Variants in POLRMT observed in about 807,000 individuals in gnomAD.
POLRMT encodes DNA-directed RNA polymerase, mitochondrial.
Under a neutral mutation model 132.2 loss-of-function variants are expected in POLRMT, and 114 were observed. The ratio of observed to expected loss-of-function variants is 0.86; its 90% CI spans 0.74 to 1.01. The LOEUF is 1.01. POLRMT is among the 50% of genes least tolerant of loss of function. The probability of loss-of-function intolerance (pLI) is 0.00; values close to 1 mark genes in which losing one functional copy is unlikely to be tolerated. For missense variants in POLRMT, 2,003 were observed against 1,729.1 expected (o/e 1.16, Z -2.81); for synonymous variants, 1,020 against 773.4 (o/e 1.32, Z -5.29).
In POLRMT at chr19:622,058, G is replaced by A. The variant is rs985900223; in HGVS notation, c.1851+91C>T. On this transcript the variant is annotated intron_variant, in intron 9 of 20. Transcript: ENST00000588649. The stretch of plus-strand genomic sequence containing the variant: ...TGGGAGGTACTGACGGCTGCGCTGA[G>A]ATCAAGGCTCCGCCCAAAGGCGCCA... 5.0e-5 allele frequency: 65 copies of A among 1,288,588 alleles called. No individual in the cohort carries two copies. The East Asian group carries it at 1.5e-3, about 30-fold the overall frequency. 79.8% of individuals were successfully genotyped at this position (1,288,588 alleles called of 1,614,324 possible). A position where few individuals can be genotyped will look rare whatever the true frequency, so the allele number is the denominator to read the frequency against.
At chr19:632,746 C>G in intron 2 of POLRMT, 88 bp downstream of exon 2, 1 of 1,182,452 alleles carries the variant, frequency 8.5e-7, no homozygotes, top group Non-Finnish European at 1.2e-6. Flanking sequence ...CCGCCCTCAG[C>G]CTGTCTCAGA....
intron 8 of POLRMT, 32 bp downstream of exon 8, chr19:622,550 C>A (rs1256201783): frequency 7.7e-6 from 12 of 1,568,204 alleles, no homozygotes; most frequent in South Asian, 7.1e-5. Flanking sequence ...ACCACTGGCC[C>A]CAGCCAGGAG....
Position 622,111 on chromosome 19 carries a change from C to T in POLRMT, c.1851+38G>A, listed in dbSNP as rs767488338. 49 of 1,495,026 alleles carry T rather than the reference C, an allele frequency of 3.3e-5. 1 individual carries two copies. The South Asian group carries it at 5.8e-4, about 18-fold the overall frequency. 92.6% of individuals were successfully genotyped at this position (1,495,026 alleles called of 1,614,324 possible). On this transcript the variant is annotated intron_variant, in intron 9 of 20. Coordinates refer to ENST00000588649, the MANE Select transcript of POLRMT (RefSeq NM_005035.4). ...CCCATGGGGTCCCTGGTCCTCCCAG[C>T]GGGATGCCCCCCAGCTCAGGAGGGC... is the stretch of plus-strand genomic sequence containing the variant.
At position 619,574 on chromosome 19, in the gene POLRMT, T is replaced by A. The variant is rs10853990; in HGVS notation, c.3066+12A>T. On this transcript the variant is annotated intron_variant, in intron 13 of 20. Transcript: ENST00000588649. ...AAACCAACGTGTTCGCAGCGCGACA[T>A]GCCTGGCGCACCTGGGGAAAGTCGC... 21 of 1,611,044 alleles carry A rather than the reference T, an allele frequency of 1.3e-5. No individual in the cohort carries two copies. The highest frequency in any genetic ancestry group is 1.4e-5 in the Non-Finnish European group (17 of 1,179,438).
intron 12 of POLRMT, 69 bp downstream of exon 12, chr19:619,889 T>A: frequency 6.3e-7 from 1 of 1,591,380 alleles, no homozygotes; most frequent in Non-Finnish European, 8.5e-7. Flanking sequence ...TGAGGGCACC[T>A]GGGGCCGAGA....
intron 6 of POLRMT, among the ~76,000 whole-genome samples, 194 bp downstream of exon 6, chr19:623,260 G>A (rs1273985431): frequency 6.6e-6 from 1 of 152,236 alleles, no homozygotes; most frequent in African/African-American, 2.4e-5. Context: ...GCCAGGCTGA[G>A]TTCCTAGGCC....
intron 7 of POLRMT, 30 bp from the exon 8 acceptor site, chr19:622,782 G>A (rs1288704595): frequency 1.9e-5 from 30 of 1,565,436 alleles, no homozygotes; most frequent in Non-Finnish European, 2.5e-5. Context: ...GTGCCTGCCC[G>A]CCCCGCCCGG....
intron 13 of POLRMT, 124 bp from the exon 14 acceptor site, chr19:619,420 C>T: frequency 1.5e-6 from 2 of 1,365,762 alleles, no homozygotes; most frequent in Non-Finnish European, 2.0e-6. Flanking sequence ...GGGAATGGGG[C>T]CTGGCGCCCA....
At position 619,988 on chromosome 19, in the gene POLRMT, C is replaced by T; in HGVS notation, c.2856G>A (p.Pro952=). 1.3e-6 allele frequency: 2 copies of T among 1,595,996 alleles called. No homozygotes were observed. Among genetic ancestry groups the T allele is most frequent in the Non-Finnish European group, 8.5e-7 (1 of 1,175,272 alleles). ...ASVNLEPSDV[P]QDVYSGVAAQ... The stretch of plus-strand genomic sequence containing the variant: ...CGGCCACGCCGCTGTACACGTCCTG[C>T]GGCACATCCGAGGGCTCCAGGTTGA... The change falls in exon 12 of 21, where the codon CCG becomes CCA. Residue 952 remains proline (P), a synonymous_variant. Transcript: ENST00000588649.
intron 3 of POLRMT, 40 bp downstream of exon 3, chr19:629,500 A>C (rs776121034): frequency 6.8e-7 from 1 of 1,465,912 alleles, no homozygotes; most frequent in Non-Finnish European, 9.0e-7. Context: ...TCCTGTCTCC[A>C]ACGACCAGGG....
At chr19:626,109 C>A (rs1466370681) in intron 3 of POLRMT, among the ~76,000 whole-genome samples, 1 of 152,114 alleles carries the variant, frequency 6.6e-6, no homozygotes, top group Non-Finnish European at 1.5e-5. Flanking sequence ...TCATTATCTC[C>A]AAGTGTTTTC....
At chr19:627,426 A>G (rs563360820) in intron 3 of POLRMT, among the ~76,000 whole-genome samples, 2 of 151,304 alleles carry the variant, frequency 1.3e-5, no homozygotes, top group East Asian at 4.0e-4. Flanking sequence ...TGCTGGGATT[A>G]CAGGCGTGAG....
At position 629,813 on chromosome 19, in the gene POLRMT, G is replaced by A. The variant is rs372375639; in HGVS notation, c.549C>T (p.Pro183=). 5.8e-4 allele frequency: 928 copies of A among 1,587,962 alleles called. 3 individuals are homozygous for A. Among genetic ancestry groups the A allele is most frequent in the Non-Finnish European group, 7.5e-4 (876 of 1,168,184 alleles). The change falls in exon 3 of 21, where the codon CCC becomes CCT. Residue 183 remains proline (P), a synonymous_variant. Coordinates refer to ENST00000588649, the MANE Select transcript of POLRMT (RefSeq NM_005035.4). The part of the protein sequence containing the change: ...GCLEDCTRQA[P]ESPWEEQLAR... ...CCAGCTGCTCCTCCCAGGGGCTCTC[G>A]GGGGCCTGGCGCGTGCAGTCCTCCA...
rs530598920 is a variant in POLRMT, at chr19:624,878, C to A, written c.981G>T (p.Gly327=). 1 of 1,612,434 alleles carries A rather than the reference C, an allele frequency of 6.2e-7. No individual in the cohort carries two copies. Among genetic ancestry groups the A allele is most frequent in the Non-Finnish European group, 8.5e-7 (1 of 1,179,572 alleles). Residue 327 remains glycine (G), a synonymous_variant, in exon 5 of 21, where the codon GGG becomes GGT. Coordinates refer to ENST00000588649, the MANE Select transcript of POLRMT (RefSeq NM_005035.4). ...ERCLEQMSQE[G]LKLQALFTAV... is the part of the protein sequence containing the mutation. ...CGGTGAAGAGTGCCTGCAGCTTCAG[C>A]CCCTCCTGGCTCATCTGTTCCAGAC...
chr19:633,529 G>GGAGCCGCCGCCGCCGCCGCC lies in POLRMT; in HGVS notation c.-18_-17insGGCGGCGGCGGCGGCGGCTC, dbSNP rs1555678400. On this transcript the variant is annotated 5_prime_UTR_variant, in exon 1 of 21. Coordinates refer to ENST00000588649, the MANE Select transcript of POLRMT (RefSeq NM_005035.4). ...TGCCGACATTACGCACGCCGCTCCA[G>GGAGCCGCCGCCGCCGCCGCC]GCCACCCCACCGGCCCGCGCCTGCG... 5 of 1,463,902 alleles carry GGAGCCGCCGCCGCCGCCGCC rather than the reference G, an allele frequency of 3.4e-6. No individual in the cohort carries two copies. The highest frequency in any genetic ancestry group is 1.5e-5 in the African/African-American group (1 of 66,422). The allele number at this position is 1,463,902 out of a possible 1,614,324, so 90.7% of individuals were successfully genotyped here.
chr19:618,453 GGCGAGC>G, intron 17 of POLRMT, 29 bp downstream of exon 17: 1 of 1,505,052 alleles, frequency 6.6e-7, no homozygotes, highest in Non-Finnish European at 9.1e-7. Flanking sequence ...GCCCCTGGGA[GGCGAGC>G]GGCACCCACG....
Position 621,675 on chromosome 19 carries a change from C to A in POLRMT, c.2023G>T (p.Glu675Ter). Residue 675 changes from glutamate (E) to a stop codon, truncating the protein, a stop_gained, in exon 10 of 21, where the codon GAA becomes TAA. Coordinates refer to ENST00000588649, the MANE Select transcript of POLRMT (RefSeq NM_005035.4). LOFTEE classifies it high-confidence loss of function. Reference protein sequence around the residue: ...LSPTKLMRTVEGATQHQELLE... With the variant: ...LSPTKLMRTV Reference sequence around the variant, plus strand: ...AGCTCCTGGTGCTGCGTGGCGCCTTCCACCGTGCGCATCAGCTTGGTGGGG... The same window carrying A: ...AGCTCCTGGTGCTGCGTGGCGCCTTACACCGTGCGCATCAGCTTGGTGGGG... 9 of 1,564,126 alleles carry A rather than the reference C, an allele frequency of 5.8e-6. No individual in the cohort carries two copies. Among genetic ancestry groups the A allele is most frequent in the Non-Finnish European group, 6.9e-6 (8 of 1,157,930 alleles).
chr19:617,951 G>A, intron 17 of POLRMT, 102 bp from the exon 18 acceptor site: 7 of 1,094,460 alleles, frequency 6.4e-6, no homozygotes, highest in South Asian at 4.1e-5. Context: ...TGAGGTCCAG[G>A]GAAGCCCACC....
In POLRMT at chr19:628,521, A is replaced by G. The variant is rs542678922; in HGVS notation, c.822+1019T>C. Among the ~76,000 whole-genome samples the G allele has an allele frequency of 2.6e-5, 4 of 152,354 alleles. No individual in the cohort carries two copies. In the East Asian group the frequency reaches 7.7e-4, roughly 29 times the overall value. On this transcript the variant is annotated intron_variant, in intron 3 of 20. Coordinates refer to ENST00000588649, the MANE Select transcript of POLRMT (RefSeq NM_005035.4). ...AAGCACATCAAGTTCTCTACCACGAATTGGTCTTAATATTGCGATATCTGT... is the reference window on the plus strand; with the variant it reads ...AAGCACATCAAGTTCTCTACCACGAGTTGGTCTTAATATTGCGATATCTGT...
Sources: gnomAD v4.1 joint callset for allele counts (sites outside exome capture counted in the v4.1 genomes callset) on GRCh38, gnomAD v4.1.1 for gene constraint, MANE v1.5 for transcripts, NCBI Gene and HGNC (gene_info 2026-07-23, HGNC 2026-07-21) for gene names.